The following TSNARE1 variants were observed in gnomAD, a reference collection of about 807,000 sequenced individuals.
TSNARE1 encodes t-SNARE domain-containing protein 1.
A neutral mutation model predicts 62.0 loss-of-function variants in TSNARE1; 49 were observed. The observed-to-expected ratio is 0.79, with a 90% confidence interval of 0.63 to 1.00. The LOEUF (loss-of-function observed/expected upper bound fraction) is 1.00, where lower values mean the gene tolerates loss of function less well. TSNARE1 is among the 50% of genes least tolerant of loss of function. TSNARE1 has a pLI of 0.00. For missense variants in TSNARE1, 755 were observed against 700.1 expected, an observed-to-expected ratio of 1.08 and a Z score of -0.88; for synonymous variants, 328 against 294.4, an observed-to-expected ratio of 1.11 and a Z score of -1.17.
Position 142,341,407 on chromosome 8 carries a change from G to A in TSNARE1, c.745+2559C>T, listed in dbSNP as rs141325135. Among the ~76,000 whole-genome samples the A allele has an allele frequency of 2.0e-3, 300 of 152,336 alleles. 2 individuals carry two copies. The highest frequency in any genetic ancestry group is 6.5e-3 in the African/African-American group (270 of 41,590). On this transcript the variant is annotated intron_variant, in intron 4 of 13. Coordinates refer to ENST00000524325, the MANE Select transcript of TSNARE1 (RefSeq NM_145003.5). ...TGATGAGCATGGAGAGGAGTAAAGC[G>A]CAGGCAGTGGTGGAGAGGCCCCTTG...
At chr8:142,257,100 A>G (rs972249083) in intron 12 of TSNARE1, among the ~76,000 whole-genome samples, 5 of 152,182 alleles carry the variant, frequency 3.3e-5, no homozygotes, top group African/African-American at 9.6e-5. Flanking sequence ...CCATAGACAC[A>G]GACACCCTGA....
chr8:142,261,547 T>C (rs2130402474), intron 12 of TSNARE1, among the ~76,000 whole-genome samples: 1 of 152,062 alleles, frequency 6.6e-6, no homozygotes, highest in South Asian at 2.1e-4. Context: ...CCGCTCCCAC[T>C]GCACAGGCGC....
At chr8:142,309,379 C>T (rs929650516) in intron 9 of TSNARE1, among the ~76,000 whole-genome samples, 1 of 152,158 alleles carries the variant, frequency 6.6e-6, no homozygotes, top group East Asian at 1.9e-4. Flanking sequence ...GTAAGCCTAA[C>T]GTTAACTGTA....
chr8:142,394,890 G>C (rs554706047), intron 1 of TSNARE1, among the ~76,000 whole-genome samples: 4 of 152,328 alleles, frequency 2.6e-5, no homozygotes, highest in Admixed American at 2.0e-4. Context: ...CCTGGGGACA[G>C]TGAGGTGCGC....
chr8:142,255,791 T>C (rs1304728505), intron 12 of TSNARE1, among the ~76,000 whole-genome samples: 5 of 43,916 alleles, frequency 1.1e-4, no homozygotes, highest in Admixed American at 4.8e-4. Flanking sequence ...ACCACCATCA[T>C]CACCATCACC....
upstream of TSNARE1, chr8:142,406,480 G>C (rs1838585781): frequency 6.6e-6 from 1 of 152,302 alleles, no homozygotes. Flanking sequence ...ACAGCCTGGA[G>C]GAGCTTGTGA....
chr8:142,222,742 AC>A (rs1434820963), intron 13 of TSNARE1, among the ~76,000 whole-genome samples: 16 of 125,876 alleles, frequency 1.3e-4, no homozygotes, highest in Admixed American at 5.8e-4. Context: ...CCACTCACTC[AC>A]TCACTCATCC....
Position 142,319,513 on chromosome 8 carries a change from C to T in TSNARE1, c.894-879G>A, listed in dbSNP as rs943813146. Among the ~76,000 whole-genome samples the T allele has an allele frequency of 2.6e-5, 4 of 152,074 alleles. No homozygotes were observed. Among genetic ancestry groups the T allele is most frequent in the South Asian group, 4.1e-4 (2 of 4,826 alleles). ...CCTGGAGAGAGGAGCACCAGGGCAA[C>T]GGTACCCCAGCCCGGCTGCAGGCAC... On this transcript the variant is annotated intron_variant, in intron 6 of 13. Transcript: ENST00000524325. This position sits in a 1 kb window ranked among gnomAD's most constrained non-coding sequence, Gnocchi z 4.9.
Position 142,275,897 on chromosome 8 carries a change from C to T in TSNARE1, c.1364-1034G>A, listed in dbSNP as rs939174074. ...GAGGAGGGTCCTCAGAAAGACAAGG[C>T]CACTCCCCACCGTCCCAGCAAGGAC... On this transcript the variant is annotated intron_variant, in intron 11 of 13. Coordinates refer to ENST00000524325, the MANE Select transcript of TSNARE1 (RefSeq NM_145003.5). 7 of 985,360 alleles carry T rather than the reference C, an allele frequency of 7.1e-6. No individual in the cohort carries two copies. In the African/African-American group the frequency reaches 8.7e-5, roughly 12 times the overall value. The allele number at this position is 985,360 out of a possible 1,614,324, so 61.0% of individuals were successfully genotyped here.
chr8:142,225,675 C>T (rs1816738251), intron 13 of TSNARE1, among the ~76,000 whole-genome samples: 1 of 152,234 alleles, frequency 6.6e-6, no homozygotes, highest in Admixed American at 6.5e-5. Flanking sequence ...ATCTCCTCTG[C>T]AGTCTGGGAC....
chr8:142,271,524 G>A (rs772979610), intron 12 of TSNARE1: 100 of 1,356,644 alleles, frequency 7.4e-5, no homozygotes, highest in Non-Finnish European at 9.1e-5. Context: ...GCCCCCATGA[G>A]TGTGGTTGCT....
At chr8:142,245,404 C>G (rs557691154) in intron 12 of TSNARE1, among the ~76,000 whole-genome samples, 2 of 152,200 alleles carry the variant, frequency 1.3e-5, no homozygotes, top group Non-Finnish European at 2.9e-5. Context: ...CCAAAAACTG[C>G]AAACACTCTA....
chr8:142,394,716 AACCAGGGGCAGCAGGGCC>A (rs1837779485), intron 1 of TSNARE1, among the ~76,000 whole-genome samples: 1 of 152,154 alleles, frequency 6.6e-6, no homozygotes, highest in African/African-American at 2.4e-5. Context: ...TCCCTGCTCC[AACCAGGGGCAGCAGGGCC>A]ACCATGCCAT....
intron 1 of TSNARE1, among the ~76,000 whole-genome samples, chr8:142,361,872 G>A (rs571834003): frequency 6.6e-5 from 10 of 152,302 alleles, no homozygotes; most frequent in Admixed American, 3.3e-4. Context: ...GCAGACCGCC[G>A]GGAGCCCTCA....
intron 2 of TSNARE1, among the ~76,000 whole-genome samples, chr8:142,350,733 A>G (rs1384031099): frequency 6.6e-6 from 1 of 152,236 alleles, no homozygotes; most frequent in Non-Finnish European, 1.5e-5. Context: ...AATTACAATA[A>G]AAAGGGTTTA....
intron 9 of TSNARE1, among the ~76,000 whole-genome samples, chr8:142,303,538 G>A (rs979216628): frequency 6.6e-6 from 1 of 152,234 alleles, no homozygotes; most frequent in African/African-American, 2.4e-5. Context: ...TTTCTTTCCA[G>A]GAACACCCAT....
chr8:142,357,548 G>T (rs368560808), intron 1 of TSNARE1, among the ~76,000 whole-genome samples: 4 of 152,188 alleles, frequency 2.6e-5, no homozygotes, highest in African/African-American at 7.2e-5. Flanking sequence ...ACCAGGGCCC[G>T]GGAGGGAGGA....
rs139951918 is a variant in TSNARE1, at chr8:142,335,476, G to A, written c.746-3645C>T. Among the ~76,000 whole-genome samples the A allele has an allele frequency of 2.1e-4, 32 of 152,036 alleles. No homozygotes were observed. The East Asian group carries it at 3.7e-3, about 17-fold the overall frequency. On this transcript the variant is annotated intron_variant, in intron 4 of 13. Transcript: ENST00000524325. ...ACGGTGCTACTTGAAGGCGGGCTGC[G>A]GAAAGTTAAAGATCTATGCTGTAAA...
At chr8:142,246,275 G>C (rs982814926) in intron 12 of TSNARE1, among the ~76,000 whole-genome samples, 3 of 152,144 alleles carry the variant, frequency 2.0e-5, no homozygotes, top group Non-Finnish European at 4.4e-5. Flanking sequence ...GGCAGGGCTG[G>C]GCTGAGGGTC....
Sources: gnomAD v4.1 joint callset for allele counts (sites outside exome capture counted in the v4.1 genomes callset) on GRCh38, gnomAD v4.1.1 for gene constraint, Gnocchi (gnomAD v3.1) non-coding constraint, MANE v1.5 for transcripts, NCBI Gene and HGNC (gene_info 2026-07-23, HGNC 2026-07-21) for gene names.